SETDB2: variants seen among roughly 807,000 people sequenced by gnomAD.
SETDB2 encodes SET domain bifurcated histone lysine methyltransferase 2.
Under a neutral mutation model 82.5 loss-of-function variants are expected in SETDB2, and 56 were observed. The ratio of observed to expected loss-of-function variants is 0.68; its 90% confidence interval spans 0.55 to 0.85. The LOEUF (loss-of-function observed/expected upper bound fraction) is 0.85. Ranked by LOEUF, SETDB2 falls within the 40% of genes least tolerant of loss-of-function variation. SETDB2 has a pLI of 0.00. For missense variants in SETDB2, 677 were observed against 816.4 expected (o/e 0.83, Z 2.08); for synonymous variants, 272 against 284.9 (o/e 0.95, Z 0.46).
Position 49,494,197 on chromosome 13 carries a change from A to C in SETDB2, c.*2348A>C, listed in dbSNP as rs997266635. 1.3e-5 allele frequency: 2 copies of C among 151,408 alleles called. No homozygotes were observed. Among genetic ancestry groups the C allele is most frequent in the Non-Finnish European group, 2.9e-5 (2 of 67,874 alleles). The allele number at this position is 151,408 out of a possible 1,614,324, so 9.4% of individuals were successfully genotyped here. A position where few individuals can be genotyped will look rare whatever the true frequency, so the allele number is the denominator to read the frequency against. Reference sequence around the variant, plus strand: ...TTGTCTCATATTTTTAATTTCTAAGAGCTCCCCTTCTCCGAATATTCTTTT... The same window carrying C: ...TTGTCTCATATTTTTAATTTCTAAGCGCTCCCCTTCTCCGAATATTCTTTT... On this transcript the variant is annotated 3_prime_UTR_variant, in exon 14 of 14. Coordinates refer to ENST00000611815, the MANE Select transcript of SETDB2 (RefSeq NM_001160308.3).
chr13:49,475,812 A>G (rs1050964436), intron 5 of SETDB2, among the ~76,000 whole-genome samples: 11 of 151,862 alleles, frequency 7.2e-5, no homozygotes, highest in Middle Eastern at 6.8e-3. Flanking sequence ...TTTTATTAAT[A>G]ACCACCCCAT....
In SETDB2 at chr13:49,480,265, T is replaced by C; in HGVS notation, c.916T>C (p.Ser306Pro). Residue 306 changes from serine (S) to proline (P), a missense_variant, in exon 7 of 14, where the codon TCC becomes CCC. Coordinates refer to ENST00000611815, the MANE Select transcript of SETDB2 (RefSeq NM_001160308.3). The stretch of plus-strand genomic sequence containing the variant: ...ACTGACAGCAAGGAATGCCAAAACT[T>C]CCCCCTTGTCAAGTGACAAAATAAC... ...LQLTARNAKT[S>P]PLSSDKITTG... The C allele has an allele frequency of 6.2e-7, 1 of 1,611,430 alleles. No individual in the cohort carries two copies. The highest frequency in any genetic ancestry group is 8.5e-7 in the Non-Finnish European group (1 of 1,179,244).
chr13:49,491,771 C>G lies in SETDB2; in HGVS notation c.2046C>G (p.Gly682=). The G allele has an allele frequency of 6.2e-7, 1 of 1,612,906 alleles. No homozygotes were observed. The highest frequency in any genetic ancestry group is 8.5e-7 in the Non-Finnish European group (1 of 1,179,672). The change falls in exon 14 of 14, where the codon GGC becomes GGG. Residue 682 remains glycine (G), a synonymous_variant. Coordinates refer to ENST00000611815, the MANE Select transcript of SETDB2 (RefSeq NM_001160308.3). Reference sequence around the variant, plus strand: ...GAACAGAGCTAACATGGGATTATGGCTATGAAGCTGGGACTGTGCCTGAGA... The same window carrying G: ...GAACAGAGCTAACATGGGATTATGGGTATGAAGCTGGGACTGTGCCTGAGA... The part of the protein sequence containing the change: ...KARTELTWDY[G]YEAGTVPEKE...
chr13:49,474,019 T>C (rs577703947), intron 5 of SETDB2, among the ~76,000 whole-genome samples: 2 of 152,320 alleles, frequency 1.3e-5, no homozygotes, highest in African/African-American at 4.8e-5. Flanking sequence ...CCCAGCACTT[T>C]GGGAGGCCGA....
At chr13:49,482,359 A>T (rs1050800964) in intron 8 of SETDB2, 1 of 982,042 alleles carries the variant, frequency 1.0e-6, no homozygotes, top group Middle Eastern at 5.2e-4. Flanking sequence ...TTTGTTAAAA[A>T]TTTTAAGTTT....
chr13:49,475,605 G>A (rs899512136), intron 5 of SETDB2, among the ~76,000 whole-genome samples: 1 of 151,544 alleles, frequency 6.6e-6, no homozygotes, highest in African/African-American at 2.4e-5. Context: ...TCCCACCTCA[G>A]CCCCCGAAGT....
intron 10 of SETDB2, 102 bp from the exon 11 acceptor site, chr13:49,485,528 G>A (rs1350637962): frequency 1.1e-6 from 1 of 870,260 alleles, no homozygotes; most frequent in Non-Finnish European, 1.8e-6. Context: ...AACGAATCTA[G>A]TACATATAGC....
chr13:49,484,562 G>T (rs914726646), intron 10 of SETDB2, among the ~76,000 whole-genome samples: 1 of 152,182 alleles, frequency 6.6e-6, no homozygotes, highest in African/African-American at 2.4e-5. Context: ...GAGCCACTGC[G>T]CCTGGCTGAA....
In SETDB2 at chr13:49,480,107, A is replaced by C. The variant is rs943487669; in HGVS notation, c.870-112A>C. On this transcript the variant is annotated intron_variant, in intron 6 of 13. Coordinates refer to ENST00000611815, the MANE Select transcript of SETDB2 (RefSeq NM_001160308.3). ...GCTGATAGTGTTCATGAGCCAAACT[A>C]TTCTAAATGCTATTACATCTTTTAT... 22 of 708,534 alleles carry C rather than the reference A, an allele frequency of 3.1e-5. No homozygotes were observed. The African/African-American group carries it at 3.9e-4, about 13-fold the overall frequency. 43.9% of individuals were successfully genotyped at this position (708,534 alleles called of 1,614,324 possible).
At chr13:49,459,919 A>G (rs1957960864) in intron 2 of SETDB2, 188 bp from the exon 3 acceptor site, 4 of 514,990 alleles carry the variant, frequency 7.8e-6, no homozygotes, top group Non-Finnish European at 1.3e-5. Flanking sequence ...TGGGTAAGAT[A>G]CTTAGATCAT....
chr13:49,458,542 T>A (rs1566157798), intron 2 of SETDB2, among the ~76,000 whole-genome samples: 1 of 152,242 alleles, frequency 6.6e-6, no homozygotes, highest in Non-Finnish European at 1.5e-5. Flanking sequence ...CACCTCAGTC[T>A]CTATAGTTCC....
rs926751317 is a variant in SETDB2, at chr13:49,452,585, A to G, written c.16+676A>G. On this transcript the variant is annotated intron_variant, in intron 2 of 13. Transcript: ENST00000611815. The stretch of plus-strand genomic sequence containing the variant: ...GGCACATTATTATTAACTGAAGTCC[A>G]TAGTATATTCACGTTAGTTTTTACC... Among the ~76,000 whole-genome samples the G allele has an allele frequency of 2.6e-5, 4 of 152,220 alleles. No individual in the cohort carries two copies. The South Asian group carries it at 8.3e-4, about 31-fold the overall frequency.
intron 2 of SETDB2, among the ~76,000 whole-genome samples, chr13:49,458,535 C>G (rs971861578): frequency 3.9e-5 from 6 of 152,220 alleles, no homozygotes; most frequent in Admixed American, 3.9e-4. Context: ...TCTCTTCCAC[C>G]TCAGTCTCTA....
chr13:49,484,473 G>T (rs1026791166), intron 10 of SETDB2, among the ~76,000 whole-genome samples: 2 of 152,092 alleles, frequency 1.3e-5, no homozygotes, highest in Non-Finnish European at 2.9e-5. Flanking sequence ...GTTTCATGAT[G>T]TTGGCCAGCT....
At chr13:49,488,233 C>T (rs1958635011) in intron 11 of SETDB2, 57 bp from the exon 12 acceptor site, 8 of 1,512,474 alleles carry the variant, frequency 5.3e-6, no homozygotes, top group African/African-American at 1.4e-5. Flanking sequence ...TTGTTAATTT[C>T]AGCACTATTG....
At position 49,490,274 on chromosome 13, in the gene SETDB2, C is replaced by T. The variant is rs567082496; in HGVS notation, c.1918-548C>T. Reference sequence around the variant, plus strand: ...CAGCCTGGGCGACAGAGTGAGACTCCGTCTCAAAAAAAAAAAAAAAAAAAA... The same window carrying T: ...CAGCCTGGGCGACAGAGTGAGACTCTGTCTCAAAAAAAAAAAAAAAAAAAA... On this transcript the variant is annotated intron_variant, in intron 12 of 13. Transcript: ENST00000611815. Among the ~76,000 whole-genome samples the T allele has an allele frequency of 6.5e-3, 356 of 55,008 alleles. 3 individuals are homozygous for T. Among genetic ancestry groups the T allele is most frequent in the African/African-American group, 0.014 (180 of 13,222 alleles). The allele number at this position is 55,008 out of a possible 152,430, so 36.1% of individuals were successfully genotyped here.
At chr13:49,484,588 G>A (rs947598535) in intron 10 of SETDB2, among the ~76,000 whole-genome samples, 6 of 152,144 alleles carry the variant, frequency 3.9e-5, no homozygotes, top group African/African-American at 1.4e-4. Flanking sequence ...TAAGATGTAT[G>A]AGAAAGAAGA....
At chr13:49,447,099 C>T (rs1294922378) in intron 1 of SETDB2, among the ~76,000 whole-genome samples, 1 of 151,984 alleles carries the variant, frequency 6.6e-6, no homozygotes, top group African/African-American at 2.4e-5. Context: ...AATTTTCATT[C>T]TGTGATCTAA....
chr13:49,450,852 T>C (rs1030497158), intron 1 of SETDB2, among the ~76,000 whole-genome samples: 2 of 151,844 alleles, frequency 1.3e-5, no homozygotes, highest in Admixed American at 6.6e-5. Flanking sequence ...GCCAGAGATA[T>C]GTATAAAGTA....
Sources: gnomAD v4.1 joint callset for allele counts (sites outside exome capture counted in the v4.1 genomes callset) on GRCh38, gnomAD v4.1.1 for gene constraint, MANE v1.5 for transcripts, NCBI Gene and HGNC (gene_info 2026-07-23, HGNC 2026-07-21) for gene names.